Variants in RYR3 observed in about 807,000 individuals in gnomAD.
RYR3 encodes brain ryanodine receptor-calcium release channel.
RYR3 carries 207 observed loss-of-function variants against 584.3 expected under a neutral mutation model. The ratio of observed to expected loss-of-function variants is 0.35; its 90% CI spans 0.32 to 0.40. The LOEUF is 0.40. Ranked by LOEUF, RYR3 falls within the 10% of genes least tolerant of loss-of-function variation. The probability of loss-of-function intolerance (pLI) is 1.00; values close to 1 mark genes in which losing one functional copy is unlikely to be tolerated. For synonymous variants in RYR3, 2,416 were observed against 2,248.5 expected (o/e 1.07, Z -2.11); for missense variants, 5,616 against 6,089.2 (o/e 0.92, Z 2.59).
chr15:33,508,043 G>A lies in RYR3; in HGVS notation c.279+4305G>A, dbSNP rs532974202. ...TGCATGTTAAACTTAACTCCAAATG[G>A]GTTCTGACATGAACTGGCATAATGC... On this transcript the variant is annotated intron_variant, in intron 3 of 103. Transcript: ENST00000634891. Among the ~76,000 whole-genome samples the A allele has an allele frequency of 3.3e-5, 5 of 152,164 alleles. No homozygotes were observed. In the South Asian group the frequency reaches 1.0e-3, roughly 32 times the overall value.
intron 8 of RYR3, among the ~76,000 whole-genome samples, chr15:33,544,392 G>A (rs2056073216): frequency 6.6e-6 from 1 of 152,108 alleles, no homozygotes; most frequent in African/African-American, 2.4e-5. Context: ...ATTTGGGACA[G>A]CAGTGAGTCT....
At chr15:33,794,603 T>G (rs1235745447) in intron 67 of RYR3, among the ~76,000 whole-genome samples, 1 of 152,100 alleles carries the variant, frequency 6.6e-6, no homozygotes, top group Non-Finnish European at 1.5e-5. Flanking sequence ...CAGAGTATGT[T>G]GTACTTATGC....
intron 64 of RYR3, among the ~76,000 whole-genome samples, chr15:33,778,502 A>G (rs1416190783): frequency 6.6e-6 from 1 of 152,222 alleles, no homozygotes; most frequent in African/African-American, 2.4e-5. Flanking sequence ...TGAAGTTAAA[A>G]TGATGCCCCT....
At chr15:33,590,678 C>T (rs1164664274) in intron 16 of RYR3, among the ~76,000 whole-genome samples, 2 of 149,642 alleles carry the variant, frequency 1.3e-5, no homozygotes, top group African/African-American at 2.5e-5. Flanking sequence ...GGGATTGCCT[C>T]GAAGGCATTT....
chr15:33,386,817 A>C (rs185072671), intron 1 of RYR3, among the ~76,000 whole-genome samples: 1 of 152,072 alleles, frequency 6.6e-6, no homozygotes, highest in Admixed American at 6.6e-5. Context: ...ATGTCTTAAC[A>C]TTCATGTTGT....
rs1198210646 is a variant in RYR3, at chr15:33,642,490, T to C, written c.3557-1821T>C. Among the ~76,000 whole-genome samples the C allele has an allele frequency of 2.6e-5, 4 of 152,232 alleles. No individual in the cohort carries two copies. In the East Asian group the frequency reaches 7.7e-4, roughly 29 times the overall value. ...TTTGCAGCAAACACATTCCCTCTTTTATATTCCATTCCTTGTCCCCATTTC... is the reference window on the plus strand; with the variant it reads ...TTTGCAGCAAACACATTCCCTCTTTCATATTCCATTCCTTGTCCCCATTTC... On this transcript the variant is annotated intron_variant, in intron 27 of 103. Transcript: ENST00000634891.
intron 1 of RYR3, among the ~76,000 whole-genome samples, chr15:33,329,379 A>G (rs1970116137): frequency 6.6e-6 from 1 of 152,246 alleles, no homozygotes; most frequent in South Asian, 2.1e-4. Flanking sequence ...AAGTTACAAA[A>G]GATGAATATA....
At chr15:33,362,397 G>GTCATCA in intron 1 of RYR3, among the ~76,000 whole-genome samples, 1 of 152,052 alleles carries the variant, frequency 6.6e-6, no homozygotes, top group South Asian at 2.1e-4. Flanking sequence ...AATGTCTGTC[G>GTCATCA]TCATCATCAT....
At chr15:33,760,887 A>G (rs1307421161) in intron 60 of RYR3, among the ~76,000 whole-genome samples, 2 of 152,210 alleles carry the variant, frequency 1.3e-5, no homozygotes, top group Non-Finnish European at 1.5e-5. Context: ...AACAGAAATC[A>G]CAACAAACTG....
chr15:33,638,334 A>G (rs896599685), intron 27 of RYR3, among the ~76,000 whole-genome samples: 3 of 152,176 alleles, frequency 2.0e-5, no homozygotes, highest in Non-Finnish European at 2.9e-5. Context: ...CCTCCCTCTG[A>G]GGCCAGGAGG....
At chr15:33,509,828 T>C (rs1275790414) in intron 3 of RYR3, among the ~76,000 whole-genome samples, 1 of 152,162 alleles carries the variant, frequency 6.6e-6, no homozygotes, top group African/African-American at 2.4e-5. Context: ...CCAGTGCCGA[T>C]GACTTTCAGG....
intron 21 of RYR3, among the ~76,000 whole-genome samples, chr15:33,629,308 A>C (rs1338462765): frequency 6.6e-6 from 1 of 152,274 alleles, no homozygotes; most frequent in African/African-American, 2.4e-5. Flanking sequence ...ATGTACTTGA[A>C]GTGTGACTAG....
At chr15:33,526,996 CGT>C (rs1210004584) in intron 3 of RYR3, among the ~76,000 whole-genome samples, 1 of 152,034 alleles carries the variant, frequency 6.6e-6, no homozygotes, top group Non-Finnish European at 1.5e-5. Context: ...CAGAGGGAAA[CGT>C]GTGCAGAAGC....
At chr15:33,449,187 G>A (rs755903282) in intron 1 of RYR3, among the ~76,000 whole-genome samples, 2 of 152,180 alleles carry the variant, frequency 1.3e-5, no homozygotes, top group Non-Finnish European at 2.9e-5. Context: ...GAATCAAGGT[G>A]TCAGTGCGGG....
At chr15:33,806,218 C>T (rs1369245176) in intron 69 of RYR3, among the ~76,000 whole-genome samples, 1 of 152,088 alleles carries the variant, frequency 6.6e-6, no homozygotes, top group Admixed American at 6.5e-5. Context: ...GTCACTCACC[C>T]CACAAAAGCC....
intron 19 of RYR3, among the ~76,000 whole-genome samples, chr15:33,618,795 A>G (rs1394799841): frequency 6.6e-6 from 1 of 152,204 alleles, no homozygotes; most frequent in African/African-American, 2.4e-5. Context: ...AACGAAAGGA[A>G]AGTTAGTCAC....
At chr15:33,539,306 T>C (rs1436557203) in intron 5 of RYR3, 44 bp from the exon 6 acceptor site, 2 of 1,303,608 alleles carry the variant, frequency 1.5e-6, no homozygotes, top group Non-Finnish European at 1.1e-6. Context: ...TTAGGGACAC[T>C]GGCTTCTGTG....
chr15:33,701,816 C>T (rs1324433441), intron 42 of RYR3, among the ~76,000 whole-genome samples: 16 of 151,974 alleles, frequency 1.1e-4, no homozygotes, highest in Admixed American at 8.5e-4. Context: ...GCTGATCAGC[C>T]GCATTGTTGG....
intron 69 of RYR3, 110 bp from the exon 70 acceptor site, chr15:33,807,445 G>A (rs948163830): frequency 1.3e-5 from 14 of 1,084,628 alleles, no homozygotes; most frequent in Admixed American, 2.0e-5. Context: ...TGTTGGCTGA[G>A]AAATGGGGGC....
Sources: gnomAD v4.1 joint callset for allele counts (sites outside exome capture counted in the v4.1 genomes callset) on GRCh38, gnomAD v4.1.1 for gene constraint, MANE v1.5 for transcripts, NCBI Gene and HGNC (gene_info 2026-07-23, HGNC 2026-07-21) for gene names.